Variants in EHD2 observed in about 807,000 individuals in gnomAD.
EHD2 encodes the protein EH domain-containing protein 2.
A neutral mutation model predicts 41.0 loss-of-function variants in EHD2; 27 were observed. The ratio of observed to expected loss-of-function variants is 0.66; its 90% CI spans 0.49 to 0.91. The LOEUF (loss-of-function observed/expected upper bound fraction) is 0.91. Ranked by LOEUF, EHD2 falls within the 40% of genes least tolerant of loss-of-function variation. EHD2 has a pLI of 0.00. For missense variants in EHD2, 673 were observed against 773.9 expected (o/e 0.87, Z 1.55); for synonymous variants, 342 against 341.0 (o/e 1.00, Z -0.03).
At chr19:47,736,967 C>T (rs1966929528) in intron 5 of EHD2, among the ~76,000 whole-genome samples, 1 of 152,348 alleles carries the variant, frequency 6.6e-6, no homozygotes, top group East Asian at 1.9e-4. Context: ...CATGGTGGCT[C>T]ACGCCTGTAA....
chr19:47,726,552 CTCCCT>C (rs1356385114), intron 4 of EHD2, among the ~76,000 whole-genome samples: 34 of 147,192 alleles, frequency 2.3e-4, no homozygotes, highest in African/African-American at 6.2e-4. Flanking sequence ...TCCTCTTCTT[CTCCCT>C]CCTCCTCCTC....
chr19:47,731,279 A>AAAAATATATATAT, intron 4 of EHD2: 14 of 60,926 alleles, frequency 2.3e-4, no homozygotes, highest in African/African-American at 6.4e-4. Context: ...AAAAAAAAAA[A>AAAAATATATATAT]ATATATATAT....
intron 2 of EHD2, among the ~76,000 whole-genome samples, chr19:47,717,828 A>T (rs1017607919): frequency 4.0e-5 from 6 of 150,790 alleles, no homozygotes; most frequent in African/African-American, 1.5e-4. Context: ...GAATTGCTTA[A>T]ACCTGGGAGG....
chr19:47,728,756 G>C (rs1320943764), intron 4 of EHD2, among the ~76,000 whole-genome samples: 2 of 151,842 alleles, frequency 1.3e-5, no homozygotes, highest in Non-Finnish European at 2.9e-5. Context: ...TTTTAGTGGA[G>C]ACGGGGTTTC....
intron 4 of EHD2, among the ~76,000 whole-genome samples, chr19:47,734,795 G>A (rs1340218899): frequency 2.0e-5 from 3 of 151,676 alleles, no homozygotes; most frequent in Non-Finnish European, 4.4e-5. Context: ...GCTCCCGCCT[G>A]TCATCCCAGC....
In EHD2 at chr19:47,741,351, G is replaced by A; in HGVS notation, c.1551G>A (p.Leu517=). The change falls in exon 6 of 6, where the codon CTG becomes CTA. Residue 517 remains leucine (L), a synonymous_variant. Transcript: ENST00000263277. This position sits in a 1 kb window ranked among gnomAD's most constrained non-coding sequence, Gnocchi z 4.5. ...ALASHLIEAK[L]EGHGLPANLP... is the part of the protein sequence containing the mutation. Reference sequence around the variant, plus strand: ...CCAGCCACCTCATCGAGGCCAAGCTGGAAGGCCACGGGCTGCCCGCCAACC... The same window carrying A: ...CCAGCCACCTCATCGAGGCCAAGCTAGAAGGCCACGGGCTGCCCGCCAACC... 1.2e-6 allele frequency: 2 copies of A among 1,610,484 alleles called. No individual in the cohort carries two copies. The highest frequency in any genetic ancestry group is 1.7e-6 in the Non-Finnish European group (2 of 1,179,680).
chr19:47,720,135 G>A (rs984026781), intron 3 of EHD2, among the ~76,000 whole-genome samples: 15 of 150,608 alleles, frequency 1.0e-4, no homozygotes, highest in Non-Finnish European at 2.1e-4. Context: ...GTGTGTGTGC[G>A]CATGTGCCTA....
chr19:47,725,636 A>G (rs965232818), intron 3 of EHD2, among the ~76,000 whole-genome samples, 176 bp from the exon 4 acceptor site: 1 of 152,186 alleles, frequency 6.6e-6, no homozygotes, highest in Non-Finnish European at 1.5e-5. Flanking sequence ...GGAGAGCCAG[A>G]GCAGTAGTGC....
At chr19:47,730,820 C>A (rs2123651239) in intron 4 of EHD2, among the ~76,000 whole-genome samples, 1 of 152,286 alleles carries the variant, frequency 6.6e-6, no homozygotes, top group Non-Finnish European at 1.5e-5. Flanking sequence ...AGACCACATT[C>A]TCTGCAGTGG....
At position 47,741,513 on chromosome 19, in the gene EHD2, G is replaced by GCCCTGCCTGCCCT; in HGVS notation, c.*89_*101dup. 7.0e-7 allele frequency: 1 copy of GCCCTGCCTGCCCT among 1,419,466 alleles called. No individual in the cohort carries two copies. 87.9% of individuals were successfully genotyped at this position (1,419,466 alleles called of 1,614,324 possible). A position where few individuals can be genotyped will look rare whatever the true frequency, so the allele number is the denominator to read the frequency against. On this transcript the variant is annotated 3_prime_UTR_variant, in exon 6 of 6. Transcript: ENST00000263277. This position sits in a 1 kb window ranked among gnomAD's most constrained non-coding sequence, Gnocchi z 4.5. ...CACACCCCTGCTCCGGCTCACACACGCCCTGCCTGCCCTCCCTGCCCAGCT... is the reference window on the plus strand; with the variant it reads ...CACACCCCTGCTCCGGCTCACACACGCCCTGCCTGCCCTCCCTGCCTGCCCTCCCTGCCCAGCT...
chr19:47,728,158 C>T (rs2123648344), intron 4 of EHD2, among the ~76,000 whole-genome samples: 1 of 152,048 alleles, frequency 6.6e-6, no homozygotes, highest in Non-Finnish European at 1.5e-5. Flanking sequence ...CACCCGTCTC[C>T]CATGACTCTT....
At position 47,741,440 on chromosome 19, in the gene EHD2, C is replaced by T. The variant is rs757713303; in HGVS notation, c.*8C>T. Reference sequence around the variant, plus strand: ...AAGGGCTCCGCCGAGTGAGCCGGCCCCCCTCCCATGGCCCTGCTGTGGCTC... The same window carrying T: ...AAGGGCTCCGCCGAGTGAGCCGGCCTCCCTCCCATGGCCCTGCTGTGGCTC... On this transcript the variant is annotated 3_prime_UTR_variant, in exon 6 of 6. Coordinates refer to ENST00000263277, the MANE Select transcript of EHD2 (RefSeq NM_014601.4). This position sits in a 1 kb window ranked among gnomAD's most constrained non-coding sequence, Gnocchi z 4.5. The T allele has an allele frequency of 6.4e-7, 1 of 1,560,608 alleles. No individual in the cohort carries two copies. Among genetic ancestry groups the T allele is most frequent in the Non-Finnish European group, 8.6e-7 (1 of 1,160,820 alleles).
chr19:47,722,660 G>C (rs1299481865), intron 3 of EHD2, among the ~76,000 whole-genome samples: 2 of 151,976 alleles, frequency 1.3e-5, no homozygotes, highest in East Asian at 3.9e-4. Flanking sequence ...CCGCCTCCTG[G>C]GTTCAAGTGA....
chr19:47,736,953 CAG>C (rs1966929300), intron 5 of EHD2, among the ~76,000 whole-genome samples: 1 of 151,916 alleles, frequency 6.6e-6, no homozygotes, highest in Non-Finnish European at 1.5e-5. Flanking sequence ...GGAAGGGGGC[CAG>C]GCATGGTGGC....
chr19:47,716,704 C>G lies in EHD2; in HGVS notation c.92C>G (p.Thr31Arg), dbSNP rs758807685. 8.7e-6 allele frequency: 14 copies of G among 1,612,432 alleles called. No homozygotes were observed. The highest frequency in any genetic ancestry group is 9.3e-6 in the Non-Finnish European group (11 of 1,179,472). The change falls in exon 2 of 6, where the codon ACG becomes AGG. Residue 31 changes from threonine (T) to arginine (R), a missense_variant. Transcript: ENST00000263277. ...TCGGCCCTCAAGGAGCTGTACCGCA[C>G]GAAGCTGCTGCCGCTGGAGGAGCAC... The part of the protein sequence containing the change: ...VTSALKELYR[T>R]KLLPLEEHYR...
chr19:47,740,446 C>T (rs556266290), intron 5 of EHD2, among the ~76,000 whole-genome samples: 3 of 149,970 alleles, frequency 2.0e-5, no homozygotes, highest in Admixed American at 2.0e-4. Flanking sequence ...CAAAAAAAAA[C>T]AAAACAAAAC....
intron 4 of EHD2, among the ~76,000 whole-genome samples, chr19:47,732,666 C>T (rs1966884071): frequency 1.3e-5 from 2 of 152,126 alleles, no homozygotes; most frequent in Admixed American, 6.6e-5. Flanking sequence ...AGTGATCCTC[C>T]CCCCTTGGCT....
At chr19:47,731,264 C>CTT (rs766981905) in intron 4 of EHD2, 4 of 29,566 alleles carry the variant, frequency 1.4e-4, no homozygotes, top group African/African-American at 5.4e-4. Flanking sequence ...ATTTGTGATT[C>CTT]TTTAAAAAAA....
chr19:47,729,226 C>T (rs968181712), intron 4 of EHD2, among the ~76,000 whole-genome samples: 3 of 151,862 alleles, frequency 2.0e-5, no homozygotes, highest in African/African-American at 7.3e-5. Context: ...GAGGAGAGGG[C>T]ATCTGAGGGG....
Sources: allele counts gnomAD v4.1 joint callset (sites outside exome capture counted in the v4.1 genomes callset), GRCh38; gene constraint gnomAD v4.1.1; non-coding constraint Gnocchi (gnomAD v3.1); transcripts MANE v1.5; gene names NCBI Gene and HGNC (gene_info 2026-07-23, HGNC 2026-07-21).